DTD1: variants seen among roughly 807,000 people sequenced by gnomAD.
DTD1 encodes the protein D-aminoacyl-tRNA deacylase 1.
DTD1 carries 13 observed loss-of-function variants against 25.6 expected under a neutral mutation model. The observed-to-expected ratio is 0.51, with a 90% CI of 0.33 to 0.81. The LOEUF (loss-of-function observed/expected upper bound fraction) is 0.81. Ranked by LOEUF, DTD1 falls within the 30% of genes least tolerant of loss-of-function variation. The pLI, the probability that DTD1 is intolerant of heterozygous loss-of-function variation, is 0.02. For missense variants in DTD1, 193 were observed against 266.4 expected, an observed-to-expected ratio of 0.72 and a Z score of 1.92; for synonymous variants, 110 against 103.6, an observed-to-expected ratio of 1.06 and a Z score of -0.37.
intron 4 of DTD1, among the ~76,000 whole-genome samples, chr20:18,713,247 A>T (rs1480012920): frequency 4.6e-5 from 7 of 152,236 alleles, no homozygotes. Context: ...GAGCTGTTTC[A>T]TGTAGTGTCT....
Position 18,611,995 on chromosome 20 carries a change from C to A in DTD1, c.370+15754C>A, listed in dbSNP as rs972764206. Among the ~76,000 whole-genome samples, 28 of 151,144 alleles carry A rather than the reference C, an allele frequency of 1.9e-4. 1 individual carries two copies. The highest frequency in any genetic ancestry group is 2.2e-4 in the African/African-American group (9 of 41,082). ...TCAGCCTCCCGAGTAGCTGGGATTA[C>A]AGGCGCCCACGACCGTGCCCGGCTA... On this transcript the variant is annotated intron_variant, in intron 3 of 5. Coordinates refer to ENST00000377452, the MANE Select transcript of DTD1 (RefSeq NM_080820.6).
rs76241979 is a variant in DTD1, at chr20:18,614,130, G to A, written c.371-13997G>A. Among the ~76,000 whole-genome samples, 5 of 152,180 alleles carry A rather than the reference G, an allele frequency of 3.3e-5. No individual in the cohort carries two copies. In the East Asian group the frequency reaches 7.7e-4, roughly 24 times the overall value. On this transcript the variant is annotated intron_variant, in intron 3 of 5. Coordinates refer to ENST00000377452, the MANE Select transcript of DTD1 (RefSeq NM_080820.6). ...TATTTTTCTTTTAAAAACTCTCTGAGCCTCTTCTTCTATTGTAATGACCTG... is the reference window on the plus strand; with the variant it reads ...TATTTTTCTTTTAAAAACTCTCTGAACCTCTTCTTCTATTGTAATGACCTG...
At chr20:18,667,037 G>T (rs900219444) in intron 4 of DTD1, among the ~76,000 whole-genome samples, 1 of 152,150 alleles carries the variant, frequency 6.6e-6, no homozygotes, top group African/African-American at 2.4e-5. Context: ...GCAGTATGAG[G>T]CACTTGTGAT....
chr20:18,609,975 A>G (rs1271907714), intron 3 of DTD1, among the ~76,000 whole-genome samples: 2 of 152,198 alleles, frequency 1.3e-5, no homozygotes, highest in African/African-American at 4.8e-5. Context: ...TTCTTTTCTG[A>G]GACAAAGATT....
chr20:18,734,450 G>A (rs938397660), intron 4 of DTD1, among the ~76,000 whole-genome samples: 3 of 152,182 alleles, frequency 2.0e-5, no homozygotes, highest in African/African-American at 7.2e-5. Context: ...ATCCATTCCC[G>A]AAGATGTCTC....
intron 3 of DTD1, among the ~76,000 whole-genome samples, chr20:18,625,599 C>T (rs2060754336): frequency 6.6e-6 from 1 of 152,194 alleles, no homozygotes; most frequent in Non-Finnish European, 1.5e-5. Flanking sequence ...TAGGCACAAT[C>T]CTGCGCATCC....
chr20:18,670,910 G>T (rs1382680039), intron 4 of DTD1, among the ~76,000 whole-genome samples: 1 of 152,206 alleles, frequency 6.6e-6, no homozygotes, highest in Non-Finnish European at 1.5e-5. Flanking sequence ...GAATTATTTT[G>T]TGTCATTTCC....
intron 2 of DTD1, among the ~76,000 whole-genome samples, chr20:18,594,439 A>T (rs1344669330): frequency 6.6e-6 from 1 of 152,200 alleles, no homozygotes; most frequent in African/African-American, 2.4e-5. Flanking sequence ...TAGCCAAGGC[A>T]GCACAGATGA....
intron 3 of DTD1, among the ~76,000 whole-genome samples, chr20:18,607,004 C>G (rs2060662222): frequency 6.6e-6 from 1 of 151,092 alleles, no homozygotes; most frequent in African/African-American, 2.4e-5. Context: ...CATGCTTTTT[C>G]TGTGTTTATG....
chr20:18,636,081 G>A (rs1039965588), intron 4 of DTD1, among the ~76,000 whole-genome samples: 4 of 151,982 alleles, frequency 2.6e-5, no homozygotes, highest in African/African-American at 9.7e-5. Context: ...GGCTTTATTT[G>A]TTTGTTCCTG....
intron 4 of DTD1, among the ~76,000 whole-genome samples, chr20:18,704,194 GT>G (rs1351048419): frequency 6.6e-5 from 10 of 152,014 alleles, no homozygotes; most frequent in Non-Finnish European, 4.4e-5. Flanking sequence ...TAGAGACGGG[GT>G]TTCACCATGT....
intron 4 of DTD1, among the ~76,000 whole-genome samples, chr20:18,669,764 G>C (rs1026965231): frequency 6.6e-6 from 1 of 152,122 alleles, no homozygotes; most frequent in Non-Finnish European, 1.5e-5. Flanking sequence ...TCGCTCCCGG[G>C]GGGGTCTGCA....
At chr20:18,608,036 T>C (rs2122270566) in intron 3 of DTD1, among the ~76,000 whole-genome samples, 1 of 152,244 alleles carries the variant, frequency 6.6e-6, no homozygotes, top group East Asian at 1.9e-4. Context: ...CTTGTGAGAG[T>C]TTTGGCAGAT....
chr20:18,708,286 TA>T (rs2061141167), intron 4 of DTD1, among the ~76,000 whole-genome samples: 6 of 21,120 alleles, frequency 2.8e-4, no homozygotes, highest in African/African-American at 7.1e-4. Context: ...TAATATATAT[TA>T]TATATATATA....
intron 4 of DTD1, among the ~76,000 whole-genome samples, chr20:18,648,345 G>A (rs2060857952): frequency 1.3e-5 from 2 of 152,176 alleles, no homozygotes; most frequent in East Asian, 3.9e-4. Flanking sequence ...CCAAGCCAAT[G>A]ACACCAGATT....
intron 4 of DTD1, among the ~76,000 whole-genome samples, chr20:18,669,209 C>G (rs981632637): frequency 6.6e-6 from 1 of 152,164 alleles, no homozygotes; most frequent in Non-Finnish European, 1.5e-5. Flanking sequence ...TCTCTGAGGC[C>G]ACTCCTGAGG....
intron 5 of DTD1, among the ~76,000 whole-genome samples, chr20:18,754,302 A>G (rs1266173879): frequency 6.6e-6 from 1 of 152,182 alleles, no homozygotes. Flanking sequence ...TGACGGCAGT[A>G]AGAGAACTAC....
intron 3 of DTD1, among the ~76,000 whole-genome samples, chr20:18,609,723 C>A (rs1257429033): frequency 3.3e-5 from 5 of 152,154 alleles, no homozygotes; most frequent in African/African-American, 1.2e-4. Flanking sequence ...TACATGGATT[C>A]TAGATGAACA....
chr20:18,606,927 TA>T (rs199918159), intron 3 of DTD1, among the ~76,000 whole-genome samples: 9,812 of 144,064 alleles, frequency 0.068, 420 homozygotes, highest in African/African-American at 0.13. Flanking sequence ...TAAAGTATAA[TA>T]AAAAAAAAAA....
Sources: allele counts gnomAD v4.1 joint callset (sites outside exome capture counted in the v4.1 genomes callset), GRCh38; gene constraint gnomAD v4.1.1; transcripts MANE v1.5; gene names NCBI Gene and HGNC (gene_info 2026-07-23, HGNC 2026-07-21).